Variants in PKP4 observed in about 807,000 individuals in gnomAD.
PKP4 encodes plakophilin-4.
PKP4 carries 90 observed loss-of-function variants against 145.1 expected under a neutral mutation model. The ratio of observed to expected loss-of-function variants is 0.62; its 90% CI spans 0.52 to 0.74. The LOEUF (loss-of-function observed/expected upper bound fraction) is 0.74. Among genes scored for constraint, PKP4 ranks in the 30% least tolerant of loss-of-function variants. PKP4 has a pLI of 0.00. For synonymous variants in PKP4, 563 were observed against 577.2 expected (o/e 0.98, Z 0.35); for missense variants, 1,340 against 1,482.7 (o/e 0.90, Z 1.58).
intron 3 of PKP4, among the ~76,000 whole-genome samples, chr2:158,600,570 G>A (rs1446114282): frequency 6.6e-6 from 1 of 152,144 alleles, no homozygotes; most frequent in African/African-American, 2.4e-5. Context: ...TGCCTTTGGT[G>A]GTTTAAAACA....
At chr2:158,597,982 G>T (rs932704468) in intron 3 of PKP4, among the ~76,000 whole-genome samples, 1 of 72,988 alleles carries the variant, frequency 1.4e-5, no homozygotes, top group Non-Finnish European at 3.9e-5. Context: ...CACCATGCCC[G>T]GCAATTTTTT....
chr2:158,557,528 A>G (rs1231452933), intron 2 of PKP4, among the ~76,000 whole-genome samples: 1 of 152,192 alleles, frequency 6.6e-6, no homozygotes, highest in African/African-American at 2.4e-5. Flanking sequence ...AGCTAAGTAC[A>G]TGCTATTTTA....
chr2:158,624,049 A>G (rs190757598), intron 6 of PKP4, among the ~76,000 whole-genome samples: 10 of 152,358 alleles, frequency 6.6e-5, no homozygotes, highest in African/African-American at 2.4e-4. Flanking sequence ...GGTCTTTTCC[A>G]GCTGTCTAGG....
At chr2:158,580,764 G>T (rs371214646) in intron 3 of PKP4, among the ~76,000 whole-genome samples, 19 of 152,126 alleles carry the variant, frequency 1.2e-4, no homozygotes, top group African/African-American at 4.6e-4. Flanking sequence ...GATCTACTTG[G>T]ATTGCCCTAC....
chr2:158,657,051 C>T (rs1439861608), intron 11 of PKP4, among the ~76,000 whole-genome samples: 13 of 152,164 alleles, frequency 8.5e-5, no homozygotes, highest in Admixed American at 7.9e-4. Flanking sequence ...AGGCCACAAA[C>T]GTTTTTGTGT....
chr2:158,486,807 A>T (rs1313082555), intron 1 of PKP4, among the ~76,000 whole-genome samples: 1 of 152,230 alleles, frequency 6.6e-6, no homozygotes, highest in Admixed American at 6.5e-5. Flanking sequence ...CTTGCTTGGG[A>T]TGATCTGTCT....
intron 3 of PKP4, among the ~76,000 whole-genome samples, chr2:158,597,435 T>G (rs1157220628): frequency 6.6e-6 from 1 of 152,242 alleles, no homozygotes; most frequent in Non-Finnish European, 1.5e-5. Context: ...TCAAGAAGGC[T>G]GCAGTCTGCT....
At chr2:158,480,373 A>T (rs770652472) in intron 1 of PKP4, among the ~76,000 whole-genome samples, 9 of 152,086 alleles carry the variant, frequency 5.9e-5, no homozygotes, top group Non-Finnish European at 1.0e-4. Flanking sequence ...AGTAGCTGGG[A>T]TTACAGGCAC....
intron 1 of PKP4, among the ~76,000 whole-genome samples, chr2:158,520,648 T>C (rs1295977103): frequency 6.6e-6 from 1 of 152,244 alleles, no homozygotes; most frequent in African/African-American, 2.4e-5. Context: ...TCTATGTAAG[T>C]GCCGCCCATG....
At chr2:158,494,464 T>C (rs1480420218) in intron 1 of PKP4, among the ~76,000 whole-genome samples, 1 of 152,200 alleles carries the variant, frequency 6.6e-6, no homozygotes, top group Non-Finnish European at 1.5e-5. Context: ...CTGATATGTC[T>C]GAAGTGATGA....
chr2:158,654,201 G>A (rs373301106), intron 11 of PKP4, among the ~76,000 whole-genome samples: 76 of 152,318 alleles, frequency 5.0e-4, no homozygotes, highest in African/African-American at 1.7e-3. Flanking sequence ...AACTCTTTGT[G>A]TTACATGGTG....
At chr2:158,618,532 C>A (rs980481431) in intron 4 of PKP4, among the ~76,000 whole-genome samples, 1 of 152,078 alleles carries the variant, frequency 6.6e-6, no homozygotes, top group Non-Finnish European at 1.5e-5. Context: ...ATACTAATTT[C>A]GTGAAGTTTT....
At position 158,677,014 on chromosome 2, in the gene PKP4, G is replaced by A. The variant is rs2058074132; in HGVS notation, c.3256+147G>A. On this transcript the variant is annotated intron_variant, in intron 20 of 21. Coordinates refer to ENST00000389759, the MANE Select transcript of PKP4 (RefSeq NM_003628.6). ...TTCCAGTCATTCCCTTTCCTACTTT[G>A]GGGATTGTTGCCTTTTCTGCTTGTT... is the stretch of plus-strand genomic sequence containing the variant. The A allele has an allele frequency of 5.4e-6, 5 of 924,718 alleles. No individual in the cohort carries two copies. The Admixed American group carries it at 7.9e-5, about 15-fold the overall frequency. The allele number at this position is 924,718 out of a possible 1,614,324, so 57.3% of individuals were successfully genotyped here. A position where few individuals can be genotyped will look rare whatever the true frequency, so the allele number is the denominator to read the frequency against.
At position 158,525,644 on chromosome 2, in the gene PKP4, T is replaced by A. The variant is rs1025281888; in HGVS notation, c.-5-7536T>A. Among the ~76,000 whole-genome samples the A allele has an allele frequency of 8.8e-3, 974 of 110,086 alleles. 26 individuals are homozygous for A. Among genetic ancestry groups the A allele is most frequent in the African/African-American group, 0.033 (892 of 26,942 alleles). 72.2% of individuals were successfully genotyped at this position (110,086 alleles called of 152,430 possible). ...GAAATAATGAAAATCAGAGCAGAAC[T>A]GAAGGAAATAGAGACACAGAAAACC... On this transcript the variant is annotated intron_variant, in intron 1 of 21. Transcript: ENST00000389759.
Position 158,498,728 on chromosome 2 carries a change from C to T in PKP4, c.-5-34452C>T, listed in dbSNP as rs149094436. Among the ~76,000 whole-genome samples the T allele has an allele frequency of 3.3e-3, 500 of 152,188 alleles. 4 individuals carry two copies. Among genetic ancestry groups the T allele is most frequent in the African/African-American group, 0.012 (485 of 41,516 alleles). On this transcript the variant is annotated intron_variant, in intron 1 of 21. Transcript: ENST00000389759. ...CTTGGCCTGTTCTAGAACCTTGACT[C>T]CTCTGTGCTCTGCTCTGATAAACTC... is the stretch of plus-strand genomic sequence containing the variant.
chr2:158,566,436 T>C (rs1301724357), intron 2 of PKP4, among the ~76,000 whole-genome samples: 2 of 151,904 alleles, frequency 1.3e-5, no homozygotes, highest in East Asian at 3.9e-4. Flanking sequence ...CAAATAAGCA[T>C]CTAACATTAG....
At chr2:158,596,999 C>T (rs1367046155) in intron 3 of PKP4, among the ~76,000 whole-genome samples, 1 of 152,112 alleles carries the variant, frequency 6.6e-6, no homozygotes, top group Non-Finnish European at 1.5e-5. Flanking sequence ...AGAGTTAGGT[C>T]TTTGTTTTTG....
intron 1 of PKP4, among the ~76,000 whole-genome samples, chr2:158,473,612 G>T (rs1691957420): frequency 6.6e-6 from 1 of 151,798 alleles, no homozygotes; most frequent in Non-Finnish European, 1.5e-5. Flanking sequence ...ATGATGAGAA[G>T]TCACAGACAC....
intron 3 of PKP4, among the ~76,000 whole-genome samples, chr2:158,581,666 G>A (rs2048346051): frequency 6.6e-6 from 1 of 152,106 alleles, no homozygotes; most frequent in African/African-American, 2.4e-5. Flanking sequence ...ACACTTGTAG[G>A]ATCAAAGATT....
Sources: gnomAD v4.1 joint callset for allele counts (sites outside exome capture counted in the v4.1 genomes callset) on GRCh38, gnomAD v4.1.1 for gene constraint, MANE v1.5 for transcripts, NCBI Gene and HGNC (gene_info 2026-07-23, HGNC 2026-07-21) for gene names.